Variants in ESRRB observed in about 807,000 individuals in gnomAD.
The protein encoded by ESRRB is estrogen related receptor beta, also known as steroid hormone receptor ERR2.
A neutral mutation model predicts 46.0 loss-of-function variants in ESRRB; 16 were observed. The observed-to-expected ratio is 0.35, with a 90% CI of 0.24 to 0.53. The LOEUF (loss-of-function observed/expected upper bound fraction) is 0.53. Among genes scored for constraint, ESRRB ranks in the 20% least tolerant of loss-of-function variants. The pLI is 0.93. For synonymous variants in ESRRB, 246 were observed against 259.6 expected (o/e 0.95, Z 0.50); for missense variants, 488 against 607.4 (o/e 0.80, Z 2.07).
chr14:76,398,973 G>T (rs138809104), intron 1 of ESRRB, among the ~76,000 whole-genome samples: 2 of 152,200 alleles, frequency 1.3e-5, no homozygotes, highest in African/African-American at 4.8e-5. Context: ...TGCATAGGTG[G>T]GTTAGGGGTT....
intron 5 of ESRRB, among the ~76,000 whole-genome samples, chr14:76,487,578 T>C (rs1344686774): frequency 6.6e-6 from 1 of 152,186 alleles, no homozygotes; most frequent in Non-Finnish European, 1.5e-5. Context: ...TATGTCTTTA[T>C]TCATACTTTT....
chr14:76,330,883 G>A (rs564944499), intron 1 of ESRRB, among the ~76,000 whole-genome samples: 3 of 152,244 alleles, frequency 2.0e-5, no homozygotes, highest in Admixed American at 1.3e-4. Flanking sequence ...CGGAAAAGCT[G>A]AGTGGCAGGC....
intron 5 of ESRRB, among the ~76,000 whole-genome samples, chr14:76,488,693 G>T (rs35004535): frequency 0.041 from 6,299 of 152,220 alleles, 190 homozygotes; most frequent in Non-Finnish European, 0.066. Context: ...CTCAGAGCTG[G>T]GATGGGCCAT....
At chr14:76,371,141 G>A (rs144298524), upstream of ESRRB, among the ~76,000 whole-genome samples, 1,054 of 152,218 alleles carry the variant, frequency 6.9e-3, 9 homozygotes, top group Middle Eastern at 0.014. Context: ...GGCCCATTAC[G>A]GCTTCAGGAA....
chr14:76,327,447 G>A (rs1384656881), intron 1 of ESRRB, among the ~76,000 whole-genome samples: 1 of 152,074 alleles, frequency 6.6e-6, no homozygotes, highest in African/African-American at 2.4e-5. Context: ...AGGTTTTCTA[G>A]CCTGACTTCC....
chr14:76,332,655 A>T lies in ESRRB; in HGVS notation c.2+21739A>T, dbSNP rs11159196. Among the ~76,000 whole-genome samples, 112 of 19,676 alleles carry T rather than the reference A, an allele frequency of 5.7e-3. 4 individuals are homozygous for T. The highest frequency in any genetic ancestry group is 0.017 in the African/African-American group (89 of 5,350). 12.9% of individuals were successfully genotyped at this position (19,676 alleles called of 152,430 possible). On this transcript the variant is annotated intron_variant, in intron 1 of 6. Transcript: ENST00000512784. Reference sequence around the variant, plus strand: ...TTATATATATTTATATATTATATAAATATATATTATATATATTTATATATT... The same window carrying T: ...TTATATATATTTATATATTATATAATTATATATTATATATATTTATATATT...
chr14:76,473,023 A>G (rs185688821), intron 3 of ESRRB, among the ~76,000 whole-genome samples: 1 of 152,312 alleles, frequency 6.6e-6, no homozygotes, highest in African/African-American at 2.4e-5. Flanking sequence ...TGTGCCGTTC[A>G]AAGGCTTCCT....
At chr14:76,422,313 C>T (rs916596392) in intron 1 of ESRRB, among the ~76,000 whole-genome samples, 1 of 149,550 alleles carries the variant, frequency 6.7e-6, no homozygotes, top group Admixed American at 6.8e-5. Flanking sequence ...CGGGTTCAAG[C>T]GATTCTCCTG....
intron 1 of ESRRB, among the ~76,000 whole-genome samples, chr14:76,422,185 C>T (rs1007008134): frequency 1.3e-5 from 2 of 150,180 alleles, no homozygotes. Context: ...CGCACACGCA[C>T]AGCCCTTGCC....
At chr14:76,401,358 G>A (rs372914038) in intron 1 of ESRRB, among the ~76,000 whole-genome samples, 2 of 152,230 alleles carry the variant, frequency 1.3e-5, no homozygotes, top group Non-Finnish European at 2.9e-5. Context: ...TGGGCAGTGG[G>A]TGGGGAGTGG....
At chr14:76,329,693 A>G (rs1025934475) in intron 1 of ESRRB, among the ~76,000 whole-genome samples, 3 of 151,762 alleles carry the variant, frequency 2.0e-5, no homozygotes, top group Non-Finnish European at 4.4e-5. Flanking sequence ...CCGGGCGCAC[A>G]CTCACATGCA....
intron 6 of ESRRB, among the ~76,000 whole-genome samples, chr14:76,495,974 A>G (rs1243193705): frequency 6.6e-6 from 1 of 152,164 alleles, no homozygotes; most frequent in Non-Finnish European, 1.5e-5. Flanking sequence ...CGTGTACTTC[A>G]GGGTCAGTGA....
At chr14:76,359,629 G>A (rs914408516) in intron 1 of ESRRB, among the ~76,000 whole-genome samples, 2 of 152,136 alleles carry the variant, frequency 1.3e-5, no homozygotes, top group African/African-American at 4.8e-5. Context: ...GACAGACCCC[G>A]ATGGGTACAC....
At chr14:76,330,256 T>C (rs907539497) in intron 1 of ESRRB, among the ~76,000 whole-genome samples, 1 of 152,164 alleles carries the variant, frequency 6.6e-6, no homozygotes, top group Non-Finnish European at 1.5e-5. Flanking sequence ...GTCAGTGATG[T>C]GGGATGGGGT....
intron 1 of ESRRB, among the ~76,000 whole-genome samples, chr14:76,378,216 T>C (rs1251011676): frequency 6.6e-6 from 1 of 152,254 alleles, no homozygotes; most frequent in Admixed American, 6.5e-5. Context: ...GCTCAAGTCA[T>C]AGTCAATAAA....
chr14:76,376,526 T>C lies in ESRRB; in HGVS notation c.50+75T>C, dbSNP rs866032133. 1.6e-5 allele frequency: 17 copies of C among 1,082,862 alleles called. No individual in the cohort carries two copies. The highest frequency in any genetic ancestry group is 3.4e-4 in the Middle Eastern group (1 of 2,958). The allele number at this position is 1,082,862 out of a possible 1,614,324, so 67.1% of individuals were successfully genotyped here. A position where few individuals can be genotyped will look rare whatever the true frequency, so the allele number is the denominator to read the frequency against. On this transcript the variant is annotated intron_variant, in intron 1 of 6. Coordinates refer to ENST00000644823, the MANE Select transcript of ESRRB (RefSeq NM_001379180.1). The surrounding 1 kb of genome is among the most constrained non-coding windows in gnomAD (Gnocchi z 4.1). ...CTCTGTCCTGGGGATCGCAGTTCCT[T>C]TTCTGCACATTCTTGTGTAAAAGTG...
At chr14:76,445,482 A>AAG (rs1555398180) in intron 2 of ESRRB, among the ~76,000 whole-genome samples, 17 of 120,070 alleles carry the variant, frequency 1.4e-4, no homozygotes, top group African/African-American at 3.5e-4. Context: ...AAAAAAAAAA[A>AAG]AAAGAAAGAA....
chr14:76,444,546 GT>G (rs558793202), intron 2 of ESRRB, among the ~76,000 whole-genome samples: 1 of 150,996 alleles, frequency 6.6e-6, no homozygotes, highest in Non-Finnish European at 1.5e-5. Context: ...TCTGTTGTGG[GT>G]TTTTTTTTGT....
chr14:76,422,039 A>C (rs1886979692), intron 1 of ESRRB, among the ~76,000 whole-genome samples: 1 of 152,060 alleles, frequency 6.6e-6, no homozygotes, highest in African/African-American at 2.4e-5. Flanking sequence ...CGTCTGGAGA[A>C]GCTAGTGTGA....
Sources: allele counts gnomAD v4.1 joint callset (sites outside exome capture counted in the v4.1 genomes callset), GRCh38; gene constraint gnomAD v4.1.1; non-coding constraint Gnocchi (gnomAD v3.1); transcripts MANE v1.5; gene names NCBI Gene and HGNC (gene_info 2026-07-23, HGNC 2026-07-21).